Variants in SMAD6 observed in about 807,000 individuals in gnomAD.
SMAD6 encodes SMAD family member 6, also known as MAD homolog 6.
A neutral mutation model predicts 39.4 loss-of-function variants in SMAD6; 103 were observed. The ratio of observed to expected loss-of-function variants is 2.62; its 90% CI spans 2.23 to 3.08. The LOEUF (loss-of-function observed/expected upper bound fraction) is 3.08, where lower values mean the gene tolerates loss of function less well. SMAD6 is among the 30% of genes most tolerant of loss of function. The pLI is 0.00. For synonymous variants in SMAD6, 445 were observed against 353.3 expected (o/e 1.26, Z -2.91); for missense variants, 1,104 against 742.9 (o/e 1.49, Z -5.65).
At position 66,724,285 on chromosome 15, in the gene SMAD6, G is replaced by GGAATGAATGAATGAATGAAT. The variant is rs111450497; in HGVS notation, c.952+7795_952+7814dup. Among the ~76,000 whole-genome samples, 79 of 150,618 alleles carry GGAATGAATGAATGAATGAAT rather than the reference G, an allele frequency of 5.2e-4. 1 individual carries two copies. In the East Asian group the frequency reaches 0.01, roughly 20 times the overall value. ...TAGCTCACAGCCAGGGAGTCATTGT[G>GGAATGAATGAATGAATGAAT]GAATGAATGAATGAATGAATGAATG... On this transcript the variant is annotated intron_variant, in intron 3 of 3. Transcript: ENST00000288840.
chr15:66,703,220 G>A lies in SMAD6; in HGVS notation c.-39G>A. On this transcript the variant is annotated 5_prime_UTR_variant, in exon 1 of 4. Transcript: ENST00000288840. ...AGGGAACGGACCCCCGGTAACCGGA[G>A]ACCGCCTCCCCCCCACCCCTGGCGC... is the stretch of plus-strand genomic sequence containing the variant. 1 of 1,328,148 alleles carries A rather than the reference G, an allele frequency of 7.5e-7. No individual in the cohort carries two copies. The highest frequency in any genetic ancestry group is 9.7e-7 in the Non-Finnish European group (1 of 1,027,838). The allele number at this position is 1,328,148 out of a possible 1,614,324, so 82.3% of individuals were successfully genotyped here.
chr15:66,724,734 A>G (rs1159962779), intron 3 of SMAD6, among the ~76,000 whole-genome samples: 1 of 152,074 alleles, frequency 6.6e-6, no homozygotes, highest in Non-Finnish European at 1.5e-5. Context: ...TGATCACCCC[A>G]AGCCCCCCAG....
At chr15:66,755,091 C>T (rs1894073912) in intron 3 of SMAD6, among the ~76,000 whole-genome samples, 1 of 152,174 alleles carries the variant, frequency 6.6e-6, no homozygotes, top group African/African-American at 2.4e-5. Context: ...TAGAAACTAG[C>T]AGCAGATCAG....
At chr15:66,742,427 A>G (rs963387319) in intron 3 of SMAD6, among the ~76,000 whole-genome samples, 10 of 152,142 alleles carry the variant, frequency 6.6e-5, no homozygotes, top group Middle Eastern at 3.4e-3. Flanking sequence ...CACCTTGTCA[A>G]TGAAAGGGAT....
intron 3 of SMAD6, among the ~76,000 whole-genome samples, chr15:66,757,263 G>T (rs185983200): frequency 6.6e-6 from 1 of 152,320 alleles, no homozygotes; most frequent in African/African-American, 2.4e-5. Flanking sequence ...AGGAGGCGTG[G>T]TGTGCAGCCC....
intron 3 of SMAD6, among the ~76,000 whole-genome samples, chr15:66,768,367 A>G (rs1392024026): frequency 6.6e-6 from 1 of 152,190 alleles, no homozygotes; most frequent in East Asian, 1.9e-4. Flanking sequence ...GGTGTTAGAT[A>G]TGAAGCTTAC....
Position 66,703,845 on chromosome 15 carries a change from A to T in SMAD6, c.587A>T (p.Glu196Val). 7.3e-7 allele frequency: 1 copy of T among 1,367,716 alleles called. No homozygotes were observed. The highest frequency in any genetic ancestry group is 1.7e-5 in the South Asian group (1 of 59,924). The allele number at this position is 1,367,716 out of a possible 1,614,324, so 84.7% of individuals were successfully genotyped here. The change falls in exon 1 of 4, where the codon GAG (glutamate) becomes GTG (valine). Residue 196 changes from glutamate to valine, a missense_variant. Transcript: ENST00000288840. ...RSLDTLLEAVESRGGVPGGCV... is the reference protein window; with the variant it reads ...RSLDTLLEAVVSRGGVPGGCV... ...CTGGACACGCTGCTGGAGGCGGTGG[A>T]GTCCCGCGGCGGCGTGCCGGGCGGC...
chr15:66,711,299 G>C (rs1334099606), intron 1 of SMAD6, among the ~76,000 whole-genome samples: 1 of 152,180 alleles, frequency 6.6e-6, no homozygotes, highest in African/African-American at 2.4e-5. Flanking sequence ...TACTGTTTAT[G>C]GAGGTGTTTT....
At position 66,781,886 on chromosome 15, in the gene SMAD6, G is replaced by C. The variant is rs554136914; in HGVS notation, c.*351G>C. The stretch of plus-strand genomic sequence containing the variant: ...TATATATAAAGAAAATGATACAGCA[G>C]AGCTAGGTGGAAAAGCCTGGGTTTG... On this transcript the variant is annotated 3_prime_UTR_variant, in exon 4 of 4. Coordinates refer to ENST00000288840, the MANE Select transcript of SMAD6 (RefSeq NM_005585.5). The C allele has an allele frequency of 2.5e-6, 1 of 398,792 alleles. No homozygotes were observed. The highest frequency in any genetic ancestry group is 4.4e-6 in the Non-Finnish European group (1 of 226,030). 24.7% of individuals were successfully genotyped at this position (398,792 alleles called of 1,614,324 possible).
intron 3 of SMAD6, among the ~76,000 whole-genome samples, chr15:66,749,791 G>A (rs910905101): frequency 2.0e-5 from 3 of 152,110 alleles, no homozygotes; most frequent in East Asian, 3.8e-4. Context: ...TTCTAATCTC[G>A]GCTGATACCT....
intron 1 of SMAD6, chr15:66,706,388 C>T (rs905255684): frequency 1.3e-5 from 2 of 152,350 alleles, no homozygotes; most frequent in African/African-American, 2.4e-5. Context: ...AGCTGCTAGC[C>T]TGTGGGGCCC....
chr15:66,765,331 C>G (rs1894269947), intron 3 of SMAD6, among the ~76,000 whole-genome samples: 1 of 152,154 alleles, frequency 6.6e-6, no homozygotes, highest in African/African-American at 2.4e-5. Flanking sequence ...TCAAGTGATT[C>G]TCCTGCCTCA....
At chr15:66,721,348 G>C (rs975864551) in intron 3 of SMAD6, among the ~76,000 whole-genome samples, 20 of 152,078 alleles carry the variant, frequency 1.3e-4, no homozygotes, top group Non-Finnish European at 1.5e-5. Context: ...TGTGTGTGTG[G>C]TGTCATTTCC....
At chr15:66,749,287 G>T (rs929414921) in intron 3 of SMAD6, among the ~76,000 whole-genome samples, 2 of 152,118 alleles carry the variant, frequency 1.3e-5, no homozygotes, top group African/African-American at 2.4e-5. Context: ...GTGAAACTCT[G>T]TCTCTACTAA....
At chr15:66,722,872 G>A (rs7180087) in intron 3 of SMAD6, among the ~76,000 whole-genome samples, 30,623 of 151,912 alleles carry the variant, frequency 0.2, 3,340 homozygotes, top group African/African-American at 0.3. Flanking sequence ...AAGCAATGCG[G>A]GATGGTGGGC....
At chr15:66,733,659 A>T (rs969037138) in intron 3 of SMAD6, among the ~76,000 whole-genome samples, 1 of 152,120 alleles carries the variant, frequency 6.6e-6, no homozygotes, top group African/African-American at 2.4e-5. Flanking sequence ...CATGGCTTGG[A>T]TGCTTGGTGT....
At chr15:66,745,525 C>G (rs1404374722) in intron 3 of SMAD6, among the ~76,000 whole-genome samples, 1 of 152,222 alleles carries the variant, frequency 6.6e-6, no homozygotes, top group Non-Finnish European at 1.5e-5. Context: ...AAAAGGGCTT[C>G]CTACTCCAGG....
In SMAD6 at chr15:66,781,180, C is replaced by T. The variant is rs1195564560; in HGVS notation, c.1136C>T (p.Ser379Leu). ...CTCAACCTGGAGCAGCGCAGCGAGT[C>T]GGTGCGGCGAACGCGCAGCAAGATC... ...GQLNLEQRSE[S>L]VRRTRSKIGF... Residue 379 changes from serine (S) to leucine (L), a missense_variant, in exon 4 of 4, where the codon TCG becomes TTG. Ser to Leu is a moderately radical substitution (Grantham distance 145, BLOSUM62 -2). Coordinates refer to ENST00000288840, the MANE Select transcript of SMAD6 (RefSeq NM_005585.5). 2 of 1,607,698 alleles carry T rather than the reference C, an allele frequency of 1.2e-6. No homozygotes were observed. The highest frequency in any genetic ancestry group is 8.5e-7 in the Non-Finnish European group (1 of 1,179,736).
chr15:66,725,404 A>G (rs954465889), intron 3 of SMAD6, among the ~76,000 whole-genome samples: 6 of 152,224 alleles, frequency 3.9e-5, no homozygotes, highest in Admixed American at 2.6e-4. Context: ...ACCATTTGGT[A>G]GCAGTTTCTA....
Sources: gnomAD v4.1 joint callset for allele counts (sites outside exome capture counted in the v4.1 genomes callset) on GRCh38, gnomAD v4.1.1 for gene constraint, MANE v1.5 for transcripts, NCBI Gene and HGNC (gene_info 2026-07-23, HGNC 2026-07-21) for gene names.